AVEN: variants seen among roughly 807,000 people sequenced by gnomAD.
AVEN encodes apoptosis and caspase activation inhibitor, also known as cell death regulator Aven.
Under a neutral mutation model 38.1 loss-of-function variants are expected in AVEN, and 41 were observed. The ratio of observed to expected loss-of-function variants is 1.08; its 90% confidence interval spans 0.84 to 1.40. AVEN has a LOEUF of 1.40. Ranked by LOEUF, AVEN falls within the 40% of genes most tolerant of loss-of-function variation. The pLI, the probability that AVEN is intolerant of heterozygous loss-of-function variation, is 0.00. For synonymous variants in AVEN, 206 were observed against 171.8 expected (o/e 1.20, Z -1.56); for missense variants, 605 against 438.8 (o/e 1.38, Z -3.38).
chr15:33,984,283 G>A (rs1418019233), intron 2 of AVEN, among the ~76,000 whole-genome samples: 1 of 151,926 alleles, frequency 6.6e-6, no homozygotes, highest in East Asian at 1.9e-4. Flanking sequence ...AAAAGTATTA[G>A]AAAATAAAAA....
chr15:33,952,948 G>T (rs1198246594), intron 2 of AVEN, among the ~76,000 whole-genome samples: 1 of 151,348 alleles, frequency 6.6e-6, no homozygotes, highest in African/African-American at 2.4e-5. Context: ...TTCGTCTCAG[G>T]ATACAAAATC....
intron 2 of AVEN, among the ~76,000 whole-genome samples, chr15:33,903,115 C>G (rs549134872): frequency 6.6e-6 from 1 of 152,176 alleles, no homozygotes; most frequent in African/African-American, 2.4e-5. Flanking sequence ...CTCTAGACAT[C>G]GGCACGTAAA....
intron 11 of AVEN, chr15:33,861,091 T>C: frequency 6.3e-7 from 1 of 1,589,672 alleles, no homozygotes; most frequent in Non-Finnish European, 8.6e-7. Flanking sequence ...AAATGTTTCA[T>C]CTGTGGGATT....
At chr15:33,863,116 T>C (rs924352474), downstream of AVEN, among the ~76,000 whole-genome samples, 6 of 152,124 alleles carry the variant, frequency 3.9e-5, no homozygotes, top group Non-Finnish European at 8.8e-5. Context: ...CATGGCACTG[T>C]TACACTGGTC....
downstream of AVEN, chr15:33,865,849 T>C (rs984402051): frequency 6.5e-6 from 1 of 152,812 alleles, no homozygotes. Context: ...CATTCATTAG[T>C]TGTGATCTTC....
chr15:33,930,838 C>G (rs1478162292), intron 2 of AVEN, among the ~76,000 whole-genome samples: 1 of 151,668 alleles, frequency 6.6e-6, no homozygotes, highest in Non-Finnish European at 1.5e-5. Flanking sequence ...ACCTGTAGTC[C>G]CAGCTATTTG....
At chr15:33,922,529 G>T (rs1893437803) in intron 2 of AVEN, among the ~76,000 whole-genome samples, 1 of 151,914 alleles carries the variant, frequency 6.6e-6, no homozygotes, top group Admixed American at 6.6e-5. Context: ...TCAACCCCTG[G>T]GCTCAAGAGA....
At chr15:33,877,548 C>T (rs982012086) in intron 2 of AVEN, among the ~76,000 whole-genome samples, 2 of 152,236 alleles carry the variant, frequency 1.3e-5, no homozygotes, top group Admixed American at 1.3e-4. Context: ...GGCGCGGTGG[C>T]TCACGCCTAC....
chr15:33,858,852 T>C (rs79488201), exon 12 of AVEN: 4,975 of 152,350 alleles, frequency 0.033, 162 homozygotes, highest in Non-Finnish European at 0.039. Context: ...TGTGAGCATC[T>C]CCATAAAAGA....
intron 2 of AVEN, among the ~76,000 whole-genome samples, chr15:33,882,805 G>C (rs116244814): frequency 0.02 from 3,018 of 152,246 alleles, 66 homozygotes; most frequent in African/African-American, 0.062. Context: ...CCAGGAGTTT[G>C]AGGCTGCAGT....
chr15:33,982,701 A>ACTGCC lies in AVEN; in HGVS notation c.445+20330_445+20331insGGCAG. Among the ~76,000 whole-genome samples the ACTGCC allele has an allele frequency of 3.3e-5, 5 of 152,310 alleles. No homozygotes were observed. In the South Asian group the frequency reaches 6.3e-4, roughly 19 times the overall value. On this transcript the variant is annotated intron_variant, in intron 2 of 5. Coordinates refer to ENST00000306730, the MANE Select transcript of AVEN (RefSeq NM_020371.3). ...TGTTTAGGTTATGGCATTTCCAAGA[A>ACTGCC]CAGCAGTAAAGAATGTAGTTATGTT... is the stretch of plus-strand genomic sequence containing the variant.
upstream of AVEN, among the ~76,000 whole-genome samples, chr15:34,040,236 T>A (rs1899411852): frequency 6.6e-6 from 1 of 152,014 alleles, no homozygotes; most frequent in Non-Finnish European, 1.5e-5. Flanking sequence ...TCTAGTCGTG[T>A]GAATAGATGA....
intron 2 of AVEN, among the ~76,000 whole-genome samples, chr15:33,914,186 T>C (rs1408136354): frequency 1.3e-5 from 2 of 151,798 alleles, no homozygotes; most frequent in Non-Finnish European, 2.9e-5. Flanking sequence ...TATGAGCTCT[T>C]TTACAGTGGT....
At chr15:33,863,355 G>A (rs900523532), downstream of AVEN, among the ~76,000 whole-genome samples, 1 of 152,044 alleles carries the variant, frequency 6.6e-6, no homozygotes, top group African/African-American at 2.4e-5. Context: ...TGCTACTGTG[G>A]GCCAGGACCT....
intron 2 of AVEN, among the ~76,000 whole-genome samples, chr15:33,948,926 G>T (rs1418492109): frequency 6.6e-6 from 1 of 152,142 alleles, no homozygotes; most frequent in African/African-American, 2.4e-5. Flanking sequence ...GCCCACCTTG[G>T]CCTCCCAAAG....
At chr15:33,859,531 GA>G (rs2080111733) in intron 11 of AVEN, 1 of 1,608,826 alleles carries the variant, frequency 6.2e-7, no homozygotes, top group African/African-American at 1.3e-5. Flanking sequence ...GCTAAAAACA[GA>G]ACTGTGACTT....
At chr15:33,992,377 A>G (rs1423891364) in intron 2 of AVEN, among the ~76,000 whole-genome samples, 3 of 151,510 alleles carry the variant, frequency 2.0e-5, no homozygotes, top group Non-Finnish European at 4.4e-5. Flanking sequence ...GCGACAGATC[A>G]GGACTCCGTC....
At chr15:34,054,953 G>A (rs1287802482) in intron 5 of AVEN, among the ~76,000 whole-genome samples, 2 of 152,146 alleles carry the variant, frequency 1.3e-5, no homozygotes, top group African/African-American at 2.4e-5. Flanking sequence ...AGCACTTTGG[G>A]AGGCCAAGGC....
At chr15:33,941,515 C>A (rs1040353912) in intron 2 of AVEN, among the ~76,000 whole-genome samples, 1 of 152,184 alleles carries the variant, frequency 6.6e-6, no homozygotes, top group South Asian at 2.1e-4. Context: ...CTGCTATTAT[C>A]CTGTCACAGT....
Sources: allele counts gnomAD v4.1 joint callset (sites outside exome capture counted in the v4.1 genomes callset), GRCh38; gene constraint gnomAD v4.1.1; transcripts MANE v1.5; gene names NCBI Gene and HGNC (gene_info 2026-07-23, HGNC 2026-07-21).